PRELID2: variants seen among roughly 807,000 people sequenced by gnomAD.
PRELID2 encodes PRELI domain containing 2.
In PRELID2, 25 loss-of-function variants were observed where a neutral mutation model predicts 28.4. The observed-to-expected ratio is 0.88, with a 90% CI of 0.64 to 1.23. The LOEUF is 1.23. Ranked by LOEUF, PRELID2 falls within the 50% of genes most tolerant of loss-of-function variation. The pLI, the probability that PRELID2 is intolerant of heterozygous loss-of-function variation, is 0.00. For synonymous variants in PRELID2, 76 were observed against 71.6 expected, an observed-to-expected ratio of 1.06 and a Z score of -0.31; for missense variants, 201 against 214.4, an observed-to-expected ratio of 0.94 and a Z score of 0.39.
intron 3 of PRELID2, 60 bp downstream of exon 3, chr5:145,819,885 T>G: frequency 9.4e-7 from 1 of 1,065,068 alleles, no homozygotes; most frequent in Non-Finnish European, 1.4e-6. Context: ...CTGTTCCTTT[T>G]CATGACTATT....
the PRELID2 span, among the ~76,000 whole-genome samples, chr5:145,456,910 G>A: frequency 6.6e-6 from 1 of 152,132 alleles, no homozygotes; most frequent in African/African-American, 2.4e-5. Context: ...TTAGTGACTT[G>A]CCCATCATCA....
At chr5:145,549,430 G>C (rs1365040207) in intron 1 of PRELID2, among the ~76,000 whole-genome samples, 1 of 152,100 alleles carries the variant, frequency 6.6e-6, no homozygotes, top group Non-Finnish European at 1.5e-5. Flanking sequence ...ACAGTTCGGA[G>C]GTGTTTACTT....
chr5:145,565,906 G>C (rs1025086228), intron 1 of PRELID2, among the ~76,000 whole-genome samples: 1 of 152,130 alleles, frequency 6.6e-6, no homozygotes, highest in Non-Finnish European at 1.5e-5. Flanking sequence ...AGATTATTCT[G>C]AAAAATGTCT....
chr5:145,393,990 A>G, the PRELID2 span, among the ~76,000 whole-genome samples: 7 of 152,200 alleles, frequency 4.6e-5, no homozygotes, highest in Non-Finnish European at 1.0e-4. Context: ...GTGGGACTGT[A>G]AACTAGTTCA....
chr5:145,563,891 C>T (rs1752943834), intron 1 of PRELID2, among the ~76,000 whole-genome samples: 1 of 152,000 alleles, frequency 6.6e-6, no homozygotes, highest in Admixed American at 6.6e-5. Context: ...TGTGAGAATG[C>T]CAGAAATTCC....
the PRELID2 span, among the ~76,000 whole-genome samples, chr5:145,427,121 G>T: frequency 6.6e-6 from 1 of 152,184 alleles, no homozygotes; most frequent in Non-Finnish European, 1.5e-5. Context: ...TCCTGTTTTT[G>T]TCAAATACAT....
chr5:145,450,336 C>G, the PRELID2 span, among the ~76,000 whole-genome samples: 42 of 152,170 alleles, frequency 2.8e-4, no homozygotes, highest in African/African-American at 9.2e-4. Flanking sequence ...TCGAAGCCAC[C>G]CAACTAAATA....
At chr5:145,329,562 C>A in the PRELID2 span, among the ~76,000 whole-genome samples, 2 of 152,154 alleles carry the variant, frequency 1.3e-5, no homozygotes, top group South Asian at 4.1e-4. Context: ...GAAGTTCACT[C>A]ATGATTTGGC....
intron 5 of PRELID2, among the ~76,000 whole-genome samples, chr5:145,787,430 T>C (rs964298507): frequency 6.6e-6 from 1 of 152,182 alleles, no homozygotes; most frequent in African/African-American, 2.4e-5. Context: ...AGCAATTTTT[T>C]CACTTCACAC....
At chr5:145,326,136 C>T in the PRELID2 span, among the ~76,000 whole-genome samples, 1 of 152,074 alleles carries the variant, frequency 6.6e-6, no homozygotes, top group Non-Finnish European at 1.5e-5. Context: ...GCCTAAGTAC[C>T]TAGGACTACA....
chr5:145,538,998 G>C (rs746226288), intron 1 of PRELID2, among the ~76,000 whole-genome samples: 1 of 151,886 alleles, frequency 6.6e-6, no homozygotes, highest in Non-Finnish European at 1.5e-5. Flanking sequence ...TCAGGTAAGA[G>C]AGCCAAATAG....
chr5:145,744,303 C>A (rs1018751711), intron 1 of PRELID2, among the ~76,000 whole-genome samples: 12 of 152,194 alleles, frequency 7.9e-5, no homozygotes, highest in African/African-American at 2.9e-4. Flanking sequence ...CTGGGCAGAC[C>A]AGACGAGGGG....
At chr5:145,425,971 T>C in the PRELID2 span, among the ~76,000 whole-genome samples, 11 of 152,152 alleles carry the variant, frequency 7.2e-5, no homozygotes, top group African/African-American at 2.2e-4. Flanking sequence ...CCCCTCATCA[T>C]CATTATTATT....
chr5:145,582,615 T>A (rs571917002), intron 1 of PRELID2, among the ~76,000 whole-genome samples: 1 of 152,104 alleles, frequency 6.6e-6, no homozygotes, highest in South Asian at 2.1e-4. Flanking sequence ...AATGAGGATA[T>A]CACCACTGAT....
intron 1 of PRELID2, among the ~76,000 whole-genome samples, chr5:145,551,100 A>G (rs746430717): frequency 1.3e-5 from 2 of 152,162 alleles, no homozygotes; most frequent in Non-Finnish European, 2.9e-5. Flanking sequence ...TAGTTAGAGG[A>G]GCCAAGAGAA....
chr5:145,297,019 G>A, the PRELID2 span, among the ~76,000 whole-genome samples: 3 of 151,996 alleles, frequency 2.0e-5, no homozygotes, highest in South Asian at 2.1e-4. Context: ...CATGTCCTTC[G>A]CCCACTTTTT....
chr5:145,708,090 A>C (rs557386768), intron 1 of PRELID2, among the ~76,000 whole-genome samples: 4 of 152,098 alleles, frequency 2.6e-5, no homozygotes, highest in Non-Finnish European at 5.9e-5. Context: ...GAGATGTGCT[A>C]TTGGGGTGTC....
intron 1 of PRELID2, among the ~76,000 whole-genome samples, chr5:145,539,013 C>T (rs926335342): frequency 6.6e-6 from 1 of 151,866 alleles, no homozygotes; most frequent in Non-Finnish European, 1.5e-5. Flanking sequence ...AAATAGCAAC[C>T]TGACTTGTAA....
chr5:145,827,530 C>T (rs77459696), intron 1 of PRELID2, among the ~76,000 whole-genome samples: 525 of 152,276 alleles, frequency 3.4e-3, no homozygotes, highest in African/African-American at 0.012. Context: ...CATCCAAGAT[C>T]CTTCTGGCCA....
Sources: gnomAD v4.1 joint callset for allele counts (sites outside exome capture counted in the v4.1 genomes callset) on GRCh38, gnomAD v4.1.1 for gene constraint, MANE v1.5 for transcripts, NCBI Gene and HGNC (gene_info 2026-07-23, HGNC 2026-07-21) for gene names.